The following NTNG1 variants were observed in gnomAD, a reference collection of about 807,000 sequenced individuals.
NTNG1 encodes netrin G1, also known as netrin-G1.
NTNG1 carries 16 observed loss-of-function variants against 54.0 expected under a neutral mutation model. That is an observed-to-expected ratio of 0.30 (90% CI 0.20 to 0.45). The LOEUF (loss-of-function observed/expected upper bound fraction) is 0.45, where lower values mean the gene tolerates loss of function less well. Among genes scored for constraint, NTNG1 ranks in the 20% least tolerant of loss-of-function variants. The pLI is 1.00. For missense variants in NTNG1, 530 were observed against 678.7 expected (o/e 0.78, Z 2.43); for synonymous variants, 255 against 263.1 (o/e 0.97, Z 0.30).
intron 1 of NTNG1, among the ~76,000 whole-genome samples, chr1:107,145,861 G>T (rs1323482878): frequency 6.6e-6 from 1 of 151,922 alleles, no homozygotes; most frequent in African/African-American, 2.4e-5. Context: ...TATAATCCTG[G>T]TATACTTTAA....
chr1:107,218,962 A>G (rs1368065200), intron 2 of NTNG1, among the ~76,000 whole-genome samples: 1 of 152,190 alleles, frequency 6.6e-6, no homozygotes, highest in East Asian at 1.9e-4. Context: ...TAGGAAGGCC[A>G]GAGAAATTTT....
At chr1:107,296,847 A>G (rs561945027) in intron 2 of NTNG1, among the ~76,000 whole-genome samples, 1 of 149,236 alleles carries the variant, frequency 6.7e-6, no homozygotes, top group South Asian at 2.1e-4. Flanking sequence ...GGATGATTAT[A>G]AAAAGATAAT....
chr1:107,373,827 T>C (rs1447405831), intron 3 of NTNG1, among the ~76,000 whole-genome samples: 1 of 152,172 alleles, frequency 6.6e-6, no homozygotes, highest in Admixed American at 6.5e-5. Context: ...GCCTCTCAAG[T>C]AGCCGAGACT....
intron 2 of NTNG1, among the ~76,000 whole-genome samples, chr1:107,208,442 AAAGAAAGAAAG>A (rs1659362119): frequency 7.3e-6 from 1 of 136,246 alleles, no homozygotes; most frequent in Non-Finnish European, 1.6e-5. Flanking sequence ...AAAAAAAAAA[AAAGAAAGAAAG>A]AAAGAAAGAA....
intron 2 of NTNG1, among the ~76,000 whole-genome samples, chr1:107,156,335 G>A (rs887144919): frequency 6.6e-6 from 1 of 152,066 alleles, no homozygotes; most frequent in African/African-American, 2.4e-5. Flanking sequence ...GACTATATAT[G>A]AGAATTTTTT....
intron 2 of NTNG1, among the ~76,000 whole-genome samples, chr1:107,273,813 T>C (rs1186538431): frequency 6.6e-6 from 1 of 152,246 alleles, no homozygotes; most frequent in East Asian, 1.9e-4. Context: ...TCCCTGAATA[T>C]GCATTAAATG....
intron 2 of NTNG1, among the ~76,000 whole-genome samples, chr1:107,205,508 T>C (rs1341667872): frequency 6.6e-6 from 1 of 152,168 alleles, no homozygotes; most frequent in Non-Finnish European, 1.5e-5. Context: ...TATATTATTG[T>C]TAAAAGTTTG....
chr1:107,256,588 T>TAAG (rs1163622826), intron 2 of NTNG1, among the ~76,000 whole-genome samples: 2 of 152,052 alleles, frequency 1.3e-5, no homozygotes, highest in Non-Finnish European at 2.9e-5. Context: ...GAAGACAGAA[T>TAAG]AAGAGCTCTC....
intron 5 of NTNG1, among the ~76,000 whole-genome samples, chr1:107,413,408 C>G (rs556520132): frequency 6.6e-6 from 1 of 152,042 alleles, no homozygotes; most frequent in Non-Finnish European, 1.5e-5. Flanking sequence ...TTCTGGGCAT[C>G]AATAATGCTA....
At chr1:107,405,289 T>C (rs1673342900) in intron 4 of NTNG1, among the ~76,000 whole-genome samples, 2 of 152,156 alleles carry the variant, frequency 1.3e-5, no homozygotes, top group African/African-American at 4.8e-5. Context: ...AGGTCTTTAT[T>C]CAAATGAGCA....
chr1:107,455,558 G>A (rs1676901305), intron 7 of NTNG1: 7 of 464,118 alleles, frequency 1.5e-5, no homozygotes, highest in Non-Finnish European at 2.6e-5. Flanking sequence ...TGCCTGACTC[G>A]CTCTGAGAGC....
chr1:107,162,097 T>C (rs1466343837), intron 2 of NTNG1, among the ~76,000 whole-genome samples: 1 of 144,282 alleles, frequency 6.9e-6, no homozygotes, highest in Non-Finnish European at 1.5e-5. Flanking sequence ...AATGGAAATT[T>C]AGGAAGTTTC....
chr1:107,370,260 C>T (rs1350868171), intron 3 of NTNG1, among the ~76,000 whole-genome samples: 1 of 144,578 alleles, frequency 6.9e-6, no homozygotes, highest in Non-Finnish European at 1.5e-5. Context: ...AAAAAAAAAG[C>T]TGCTGAGCTT....
chr1:107,249,333 T>G (rs1447053343), intron 2 of NTNG1, among the ~76,000 whole-genome samples: 1 of 151,236 alleles, frequency 6.6e-6, no homozygotes, highest in Non-Finnish European at 1.5e-5. Context: ...AAATGCAAAA[T>G]TAGCTGGGCG....
At chr1:107,478,526 A>G (rs1678477424) in intron 7 of NTNG1, among the ~76,000 whole-genome samples, 1 of 152,236 alleles carries the variant, frequency 6.6e-6, no homozygotes, top group South Asian at 2.1e-4. Context: ...ATCCAAGAAG[A>G]AGAAAAATAG....
At chr1:107,412,673 T>C (rs1673904555) in intron 5 of NTNG1, among the ~76,000 whole-genome samples, 1 of 152,110 alleles carries the variant, frequency 6.6e-6, no homozygotes, top group Non-Finnish European at 1.5e-5. Flanking sequence ...CCTTATTGTG[T>C]TGTCACCTGG....
chr1:107,190,030 G>C (rs563145085), intron 2 of NTNG1, among the ~76,000 whole-genome samples: 1 of 152,210 alleles, frequency 6.6e-6, no homozygotes, highest in East Asian at 1.9e-4. Flanking sequence ...GATGAATCTT[G>C]AAGATATTTT....
At chr1:107,259,159 T>G (rs560217549) in intron 2 of NTNG1, among the ~76,000 whole-genome samples, 1 of 152,314 alleles carries the variant, frequency 6.6e-6, no homozygotes, top group African/African-American at 2.4e-5. Context: ...TGTAAGTACT[T>G]TATTATTCCA....
At chr1:107,464,453 C>T (rs780332342) in intron 7 of NTNG1, among the ~76,000 whole-genome samples, 2 of 152,126 alleles carry the variant, frequency 1.3e-5, no homozygotes, top group African/African-American at 4.8e-5. Flanking sequence ...AAATGAGTAA[C>T]TCAGACATAT....
Sources: gnomAD v4.1 joint callset for allele counts (sites outside exome capture counted in the v4.1 genomes callset) on GRCh38, gnomAD v4.1.1 for gene constraint, MANE v1.5 for transcripts, NCBI Gene and HGNC (gene_info 2026-07-23, HGNC 2026-07-21) for gene names.